The following ERBIN variants were observed in gnomAD, a reference collection of about 807,000 sequenced individuals.
ERBIN encodes erbb2 interacting protein, also known as densin-180-like protein.
ERBIN carries 60 observed loss-of-function variants against 158.4 expected under a neutral mutation model. That is an observed-to-expected ratio of 0.38 (90% CI 0.31 to 0.47). The LOEUF (loss-of-function observed/expected upper bound fraction) is 0.47, where lower values mean the gene tolerates loss of function less well. Among genes scored for constraint, ERBIN ranks in the 20% least tolerant of loss-of-function variants. The pLI, the probability that ERBIN is intolerant of heterozygous loss-of-function variation, is 0.99. For missense variants in ERBIN, 1,610 were observed against 1,648.0 expected, an observed-to-expected ratio of 0.98 and a Z score of 0.40; for synonymous variants, 594 against 557.2, an observed-to-expected ratio of 1.07 and a Z score of -0.93.
At chr5:66,029,569 TCTGTCCTGTCCTGTC>T (rs545193447) in intron 14 of ERBIN, among the ~76,000 whole-genome samples, 1 of 144,888 alleles carries the variant, frequency 6.9e-6, no homozygotes, top group East Asian at 1.9e-4. Flanking sequence ...TCTGTTCTGT[TCTGTCCTGTCCTGTC>T]CTGTCCTGTC....
chr5:65,942,116 C>T (rs1266257044), intron 1 of ERBIN, among the ~76,000 whole-genome samples: 1 of 152,228 alleles, frequency 6.6e-6, no homozygotes, highest in African/African-American at 2.4e-5. Context: ...ATGTTTTCCT[C>T]ATACTCACTC....
At chr5:66,029,756 C>T (rs548896195) in intron 14 of ERBIN, among the ~76,000 whole-genome samples, 3 of 152,144 alleles carry the variant, frequency 2.0e-5, no homozygotes, top group African/African-American at 4.8e-5. Flanking sequence ...AGGCATGTGC[C>T]GCCACTCCCA....
rs184357789 is a variant in ERBIN, at chr5:65,980,944, A to G, written c.-57-7691A>G. 1.2e-3 allele frequency among the ~76,000 whole-genome samples: 189 copies of G among 152,338 alleles called. 1 individual carries two copies. The highest frequency in any genetic ancestry group is 4.4e-3 in the African/African-American group (183 of 41,584). ...AAGATTTGAATACAACTGTCAACCA[A>G]TTTTATCTAATTGACATTTGTAGAA... On this transcript the variant is annotated intron_variant, in intron 1 of 25. Transcript: ENST00000284037.
chr5:65,962,638 T>C (rs1029977556), intron 1 of ERBIN, among the ~76,000 whole-genome samples: 1 of 152,192 alleles, frequency 6.6e-6, no homozygotes, highest in Non-Finnish European at 1.5e-5. Context: ...ATTTTCCCCC[T>C]CTTTTAGTAA....
Position 66,043,197 on chromosome 5 carries a change from G to A in ERBIN, c.1427G>A (p.Arg476Lys). ...EDKDEREAPP[R>K]EGNLKRYPTP... ...AAAGATGAAAGGGAGGCACCTCCCAGGGTGAGTCTGTTCTTTATTCTTTAA... is the reference window on the plus strand; with the variant it reads ...AAAGATGAAAGGGAGGCACCTCCCAAGGTGAGTCTGTTCTTTATTCTTTAA... The change falls in exon 16 of 26, where the codon AGG (arginine) becomes AAG (lysine). Residue 476 changes from arginine (R) to lysine (K), a missense_variant and splice_region_variant. Arg to Lys is a conservative substitution (Grantham distance 26, BLOSUM62 2). Coordinates refer to ENST00000284037, the MANE Select transcript of ERBIN (RefSeq NM_001253697.2). 2 of 1,612,308 alleles carry A rather than the reference G, an allele frequency of 1.2e-6. No individual in the cohort carries two copies. The highest frequency in any genetic ancestry group is 1.7e-6 in the Non-Finnish European group (2 of 1,179,176).
intron 1 of ERBIN, among the ~76,000 whole-genome samples, chr5:65,927,662 A>G (rs1742818502): frequency 1.3e-5 from 2 of 152,224 alleles, no homozygotes; most frequent in African/African-American, 4.8e-5. Context: ...AGTGATTGTG[A>G]TAAAAAGCTG....
intron 21 of ERBIN, among the ~76,000 whole-genome samples, chr5:66,061,405 C>T (rs1161685862): frequency 1.3e-5 from 2 of 152,096 alleles, no homozygotes; most frequent in East Asian, 1.9e-4. Context: ...GGTAGATCTT[C>T]CTCCATCCGT....
At chr5:66,060,314 A>G (rs1413383697) in intron 21 of ERBIN, among the ~76,000 whole-genome samples, 1 of 152,140 alleles carries the variant, frequency 6.6e-6, no homozygotes, top group Admixed American at 6.5e-5. Flanking sequence ...TAGATTTTCT[A>G]GTTTATTTGC....
chr5:65,941,286 C>T (rs528368567), intron 1 of ERBIN, among the ~76,000 whole-genome samples: 5 of 146,696 alleles, frequency 3.4e-5, no homozygotes, highest in Non-Finnish European at 7.4e-5. Context: ...AAATCCTCCT[C>T]TGTGAGAAAC....
intron 1 of ERBIN, among the ~76,000 whole-genome samples, chr5:65,935,663 A>G (rs1410583172): frequency 6.6e-6 from 1 of 152,194 alleles, no homozygotes; most frequent in Non-Finnish European, 1.5e-5. Context: ...TGGACAAGTT[A>G]TTTGTGGAGA....
At chr5:66,071,887 A>G (rs1309744571) in intron 21 of ERBIN, among the ~76,000 whole-genome samples, 1 of 152,214 alleles carries the variant, frequency 6.6e-6, no homozygotes, top group African/African-American at 2.4e-5. Flanking sequence ...AAAGGAAAAA[A>G]TAACATGCAA....
chr5:65,939,629 C>G (rs1459683611), intron 1 of ERBIN, among the ~76,000 whole-genome samples: 6 of 152,200 alleles, frequency 3.9e-5, no homozygotes, highest in Admixed American at 3.9e-4. Flanking sequence ...GCCATCTCGG[C>G]TCACTGCAGC....
At chr5:66,016,119 T>C in intron 7 of ERBIN, among the ~76,000 whole-genome samples, 1 of 152,176 alleles carries the variant, frequency 6.6e-6, no homozygotes, top group Admixed American at 6.5e-5. Context: ...GTGTTTTGAG[T>C]AATTGTTCAA....
chr5:65,932,566 CTG>C (rs1456845018), intron 1 of ERBIN, among the ~76,000 whole-genome samples: 1 of 152,166 alleles, frequency 6.6e-6, no homozygotes, highest in Non-Finnish European at 1.5e-5. Context: ...CTTCCAGAGA[CTG>C]TGGACTTCCA....
rs187699394 is a variant in ERBIN, at chr5:66,033,166, A to G, written c.1206+4823A>G. 4.2e-4 allele frequency among the ~76,000 whole-genome samples: 64 copies of G among 152,200 alleles called. No individual in the cohort carries two copies. The East Asian group carries it at 0.011, about 27-fold the overall frequency. ...GGCTTCATTTTCTTTTTTCAGTACT[A>G]TTATAGGTTTATTCTTTGTGCTTAT... On this transcript the variant is annotated intron_variant, in intron 14 of 25. Transcript: ENST00000284037.
chr5:66,020,570 A>G (rs561809020), intron 7 of ERBIN, among the ~76,000 whole-genome samples: 2 of 152,118 alleles, frequency 1.3e-5, no homozygotes, highest in South Asian at 4.1e-4. Context: ...GTGTTGTACA[A>G]AAATAGCCAC....
chr5:66,067,096 T>C (rs1185543648), intron 21 of ERBIN, among the ~76,000 whole-genome samples: 1 of 151,624 alleles, frequency 6.6e-6, no homozygotes. Context: ...GATTTCTTTG[T>C]TTTTTTTTAT....
At chr5:65,948,769 T>TTTG (rs1358052797) in intron 1 of ERBIN, among the ~76,000 whole-genome samples, 4 of 141,748 alleles carry the variant, frequency 2.8e-5, no homozygotes, top group Non-Finnish European at 3.1e-5. Context: ...TGCGTTTTTT[T>TTTG]TTTTTTTTTT....
At chr5:66,007,149 A>T (rs1012298677) in intron 4 of ERBIN, among the ~76,000 whole-genome samples, 1 of 152,262 alleles carries the variant, frequency 6.6e-6, no homozygotes, top group East Asian at 1.9e-4. Flanking sequence ...CAAATGTCCA[A>T]CAATGATAGA....
Sources: allele counts gnomAD v4.1 joint callset (sites outside exome capture counted in the v4.1 genomes callset), GRCh38; gene constraint gnomAD v4.1.1; transcripts MANE v1.5; gene names NCBI Gene and HGNC (gene_info 2026-07-23, HGNC 2026-07-21).